The following SLC1A2 variants were observed in gnomAD, a reference collection of about 807,000 sequenced individuals.
SLC1A2 encodes solute carrier family 1 member 2.
In SLC1A2, 15 loss-of-function variants were observed where a neutral mutation model predicts 48.8. That is an observed-to-expected ratio of 0.31 (90% CI 0.21 to 0.47). The LOEUF is 0.47. Among genes scored for constraint, SLC1A2 ranks in the 20% least tolerant of loss-of-function variants. The pLI is 0.99. For synonymous variants in SLC1A2, 279 were observed against 272.6 expected, an observed-to-expected ratio of 1.02 and a Z score of -0.23; for missense variants, 502 against 730.5, an observed-to-expected ratio of 0.69 and a Z score of 3.61.
At chr11:35,301,080 T>G (rs1197314012) in intron 6 of SLC1A2, among the ~76,000 whole-genome samples, 2 of 152,106 alleles carry the variant, frequency 1.3e-5, no homozygotes, top group Admixed American at 1.3e-4. Flanking sequence ...TCTTTCTAAC[T>G]GTGGATACAA....
At chr11:35,320,334 G>C (rs1852015530) in intron 1 of SLC1A2, among the ~76,000 whole-genome samples, 1 of 152,146 alleles carries the variant, frequency 6.6e-6, no homozygotes, top group African/African-American at 2.4e-5. Flanking sequence ...CTCTTAAAGA[G>C]CCTTTACTCA....
intron 1 of SLC1A2, among the ~76,000 whole-genome samples, chr11:35,413,480 A>T (rs1763095101): frequency 1.3e-5 from 2 of 152,248 alleles, no homozygotes; most frequent in Admixed American, 1.3e-4. Flanking sequence ...TTTAAAGCCA[A>T]CTGGGATATA....
Position 35,397,211 on chromosome 11 carries a change from A to G in SLC1A2, c.17+21739T>C, listed in dbSNP as rs562712578. Among the ~76,000 whole-genome samples the G allele has an allele frequency of 5.0e-3, 749 of 150,926 alleles. 5 individuals are homozygous for G. Among genetic ancestry groups the G allele is most frequent in the African/African-American group, 0.017 (691 of 41,254 alleles). On this transcript the variant is annotated intron_variant, in intron 1 of 10. Coordinates refer to ENST00000278379, the MANE Select transcript of SLC1A2 (RefSeq NM_004171.4). ...TTCATATGGAACCAAAAAACAGCCC[A>G]CATCGCCAAGTCAATCCTAAGCCAA...
intron 1 of SLC1A2, chr11:35,359,991 C>T (rs1289132608): frequency 1.8e-6 from 1 of 555,748 alleles, no homozygotes; most frequent in African/African-American, 2.0e-5. Flanking sequence ...ACTGATTCCT[C>T]CCTTCTCATC....
chr11:35,329,480 A>G (rs992465002), intron 1 of SLC1A2, among the ~76,000 whole-genome samples: 1 of 152,088 alleles, frequency 6.6e-6, no homozygotes, highest in Non-Finnish European at 1.5e-5. Flanking sequence ...GTATATGGGA[A>G]CTCTCTGTAC....
rs1950275319 is a variant in SLC1A2, at chr11:35,253,800, A to G, written c.*7094T>C. The G allele has an allele frequency of 6.6e-6, 1 of 152,654 alleles. No individual in the cohort carries two copies. Among genetic ancestry groups the G allele is most frequent in the Non-Finnish European group, 1.5e-5 (1 of 68,034 alleles). The allele number at this position is 152,654 out of a possible 1,614,324, so 9.5% of individuals were successfully genotyped here. ...TAATTCTACATGTGTGGTTACATAG[A>G]AAATACTGTAAGAAAATATGTCTGC... On this transcript the variant is annotated 3_prime_UTR_variant, in exon 11 of 11. Transcript: ENST00000278379.
At chr11:35,308,084 G>C (rs868827485) in intron 4 of SLC1A2, among the ~76,000 whole-genome samples, 1 of 152,318 alleles carries the variant, frequency 6.6e-6, no homozygotes, top group South Asian at 2.1e-4. Context: ...CTATCCTAAG[G>C]ATGCTAAAGA....
At chr11:35,277,283 C>T (rs1318470805) in intron 9 of SLC1A2, among the ~76,000 whole-genome samples, 3 of 152,180 alleles carry the variant, frequency 2.0e-5, no homozygotes, top group African/African-American at 4.8e-5. Flanking sequence ...TGTTAGAACA[C>T]TTAGTACAAA....
intron 9 of SLC1A2, among the ~76,000 whole-genome samples, chr11:35,272,866 G>C (rs971525338): frequency 6.6e-6 from 1 of 152,102 alleles, no homozygotes; most frequent in African/African-American, 2.4e-5. Context: ...AATGAGAGAG[G>C]GGCTTGACCG....
Position 35,281,390 on chromosome 11 carries a change from C to T in SLC1A2, c.1287-389G>A, listed in dbSNP as rs115801819. Among the ~76,000 whole-genome samples, 204 of 152,276 alleles carry T rather than the reference C, an allele frequency of 1.3e-3. 1 individual carries two copies. Among genetic ancestry groups the T allele is most frequent in the African/African-American group, 4.5e-3 (188 of 41,558 alleles). On this transcript the variant is annotated intron_variant, in intron 8 of 10. Transcript: ENST00000278379. Reference sequence around the variant, plus strand: ...ACACAACTGCATTCATTTCTGCTTACGCTTTTATGTCTCTGTGAGCACCAG... The same window carrying T: ...ACACAACTGCATTCATTTCTGCTTATGCTTTTATGTCTCTGTGAGCACCAG...
chr11:35,362,939 G>A (rs1051976982), intron 1 of SLC1A2, among the ~76,000 whole-genome samples: 2 of 152,162 alleles, frequency 1.3e-5, no homozygotes, highest in Non-Finnish European at 2.9e-5. Flanking sequence ...CATTCTAAAT[G>A]CTTCACATTT....
In SLC1A2 at chr11:35,315,087, C is replaced by T. The variant is rs1851828295; in HGVS notation, c.246G>A (p.Gly82=). The part of the protein sequence containing the change: ...PDVVMLIAFP[G]DILMRMLKML... ...TTTTTAGCATCCTCATGAGTATATC[C>T]CCTGGGAAGGCTATTAACATAACCA... Residue 82 remains glycine, a synonymous_variant, in exon 3 of 11, where the codon GGG becomes GGA. Transcript: ENST00000278379. 1.2e-6 allele frequency: 2 copies of T among 1,612,462 alleles called. No individual in the cohort carries two copies. Among genetic ancestry groups the T allele is most frequent in the South Asian group, 1.1e-5 (1 of 91,014 alleles).
intron 7 of SLC1A2, 70 bp from the exon 8 acceptor site, chr11:35,287,021 G>C (rs1238566025): frequency 3.5e-6 from 4 of 1,159,076 alleles, no homozygotes; most frequent in Non-Finnish European, 5.1e-6. Flanking sequence ...GCATAAACTG[G>C]AATGCCACTG....
intron 1 of SLC1A2, among the ~76,000 whole-genome samples, chr11:35,318,092 G>T (rs4756210): frequency 0.21 from 31,817 of 152,100 alleles, 3,664 homozygotes; most frequent in Admixed American, 0.27. Context: ...ACCTATTGTG[G>T]CTTTTAAAAG....
At chr11:35,277,971 C>T (rs1850495788) in intron 9 of SLC1A2, among the ~76,000 whole-genome samples, 1 of 152,138 alleles carries the variant, frequency 6.6e-6, no homozygotes, top group South Asian at 2.1e-4. Context: ...ACCCATACAC[C>T]ACCATTGACT....
intron 1 of SLC1A2, among the ~76,000 whole-genome samples, chr11:35,378,785 G>A (rs1245261197): frequency 6.6e-6 from 1 of 152,182 alleles, no homozygotes; most frequent in Non-Finnish European, 1.5e-5. Context: ...ATGAATAGTT[G>A]TCTATAAGGA....
chr11:35,264,376 GT>G (rs1394062930), intron 10 of SLC1A2, among the ~76,000 whole-genome samples: 2 of 152,226 alleles, frequency 1.3e-5, no homozygotes, highest in East Asian at 3.8e-4. Flanking sequence ...GTCAACAGAA[GT>G]CAAAAAGCTA....
At chr11:35,266,678 G>C (rs1950489768) in intron 9 of SLC1A2, among the ~76,000 whole-genome samples, 1 of 150,392 alleles carries the variant, frequency 6.6e-6, no homozygotes, top group East Asian at 1.9e-4. Context: ...AGTCTTAAAA[G>C]GAAGGATGCT....
chr11:35,274,756 T>C (rs191659781), intron 9 of SLC1A2, among the ~76,000 whole-genome samples: 5 of 152,384 alleles, frequency 3.3e-5, no homozygotes, highest in Admixed American at 2.0e-4. Context: ...AAAACAATGA[T>C]AATACTATTA....
Sources: gnomAD v4.1 joint callset for allele counts (sites outside exome capture counted in the v4.1 genomes callset) on GRCh38, gnomAD v4.1.1 for gene constraint, MANE v1.5 for transcripts, NCBI Gene and HGNC (gene_info 2026-07-23, HGNC 2026-07-21) for gene names.